The following KIDINS220 variants were observed in gnomAD, a reference collection of about 807,000 sequenced individuals.
KIDINS220 encodes kinase D-interacting substrate of 220 kDa.
Under a neutral mutation model 157.6 loss-of-function variants are expected in KIDINS220, and 63 were observed. The observed-to-expected ratio is 0.40, with a 90% CI of 0.33 to 0.49. The LOEUF is 0.49. KIDINS220 is among the 20% of genes least tolerant of loss of function. KIDINS220 has a pLI of 0.66. For missense variants in KIDINS220, 1,772 were observed against 2,171.2 expected, an observed-to-expected ratio of 0.82 and a Z score of 3.65; for synonymous variants, 732 against 783.6, an observed-to-expected ratio of 0.93 and a Z score of 1.10.
intron 22 of KIDINS220, among the ~76,000 whole-genome samples, chr2:8,758,806 C>T (rs948602910): frequency 6.6e-6 from 1 of 152,092 alleles, no homozygotes; most frequent in Non-Finnish European, 1.5e-5. Context: ...GTCACCTTTC[C>T]TACCATGTTG....
chr2:8,806,372 A>G lies in KIDINS220; in HGVS notation c.505-3T>C. The stretch of plus-strand genomic sequence containing the variant: ...CAAACTAAAGGGGTGGTTCCATACT[A>G]TTAAAACAAACAATAAATTTAAAAT... On this transcript the variant is annotated splice_polypyrimidine_tract_variant and splice_region_variant and intron_variant, in intron 6 of 29. Coordinates refer to ENST00000256707, the MANE Select transcript of KIDINS220 (RefSeq NM_020738.4). 6.5e-7 allele frequency: 1 copy of G among 1,544,896 alleles called. No individual in the cohort carries two copies. Among genetic ancestry groups the G allele is most frequent in the Non-Finnish European group, 8.8e-7 (1 of 1,141,712 alleles).
chr2:8,774,864 T>C (rs1670747950), intron 21 of KIDINS220, among the ~76,000 whole-genome samples: 1 of 152,196 alleles, frequency 6.6e-6, no homozygotes, highest in Non-Finnish European at 1.5e-5. Flanking sequence ...CTGGCTTCTA[T>C]TTTAAAAGAA....
At chr2:8,728,053 C>T (rs1425887687), downstream of KIDINS220, among the ~76,000 whole-genome samples, 4 of 152,178 alleles carry the variant, frequency 2.6e-5, no homozygotes, top group African/African-American at 9.7e-5. Flanking sequence ...ATATAAAACA[C>T]AAGACTCGGC....
rs1159088388 is a variant in KIDINS220, at chr2:8,731,766, C to T, written c.4270G>A (p.Gly1424Arg). 6.2e-7 allele frequency: 1 copy of T among 1,613,998 alleles called. No individual in the cohort carries two copies. Among genetic ancestry groups the T allele is most frequent in the African/African-American group, 1.3e-5 (1 of 74,914 alleles). ...TCTAGGTTTGAATGAATAGAGCCCC[C>T]TGATGAACTCTGACCCATGTAATAT... is the stretch of plus-strand genomic sequence containing the variant. ...STYYMGQSSS[G>R]GSIHSNLEQE... Residue 1424 changes from glycine to arginine, a missense_variant, in exon 30 of 30, where the codon GGG becomes AGG. By Grantham distance (125) the Gly-to-Arg change is moderately radical (BLOSUM62 -2). This residue lies in a region of KIDINS220 where 793 missense variants were observed against 885.5 expected (regional missense o/e 0.90). Coordinates refer to ENST00000256707, the MANE Select transcript of KIDINS220 (RefSeq NM_020738.4). The surrounding 1 kb of genome is among the most constrained non-coding windows in gnomAD (Gnocchi z 5.2).
Position 8,729,521 on chromosome 2 carries a change from C to T in KIDINS220, c.*1199G>A. The T allele has an allele frequency of 1.0e-6, 1 of 983,906 alleles. No individual in the cohort carries two copies. Among genetic ancestry groups the T allele is most frequent in the Non-Finnish European group, 1.2e-6 (1 of 828,542 alleles). The allele number at this position is 983,906 out of a possible 1,614,324, so 60.9% of individuals were successfully genotyped here. A position where few individuals can be genotyped will look rare whatever the true frequency, so the allele number is the denominator to read the frequency against. On this transcript the variant is annotated 3_prime_UTR_variant, in exon 30 of 30. Transcript: ENST00000256707. ...TAGTCCACACAGTACTTCAATGTGACCATTCTCTTAACTCGGCTAATAATT... is the reference window on the plus strand; with the variant it reads ...TAGTCCACACAGTACTTCAATGTGATCATTCTCTTAACTCGGCTAATAATT...
intron 22 of KIDINS220, among the ~76,000 whole-genome samples, chr2:8,770,312 G>C (rs1670027765): frequency 6.6e-6 from 1 of 152,108 alleles, no homozygotes; most frequent in African/African-American, 2.4e-5. Context: ...AGGCTGAGAT[G>C]GGAGGATGAC....
At chr2:8,807,738 G>A (rs553189906) in intron 6 of KIDINS220, among the ~76,000 whole-genome samples, 7 of 152,274 alleles carry the variant, frequency 4.6e-5, no homozygotes, top group African/African-American at 1.7e-4. Flanking sequence ...CAGCACATGG[G>A]AGCCAGCACC....
At chr2:8,808,233 C>A (rs555320000) in intron 6 of KIDINS220, among the ~76,000 whole-genome samples, 8 of 152,188 alleles carry the variant, frequency 5.3e-5, no homozygotes, top group Non-Finnish European at 1.2e-4. Flanking sequence ...TCCTCTTTTG[C>A]GGATAATACT....
intron 21 of KIDINS220, among the ~76,000 whole-genome samples, chr2:8,774,410 G>T (rs1670676022): frequency 6.6e-6 from 1 of 151,898 alleles, no homozygotes; most frequent in Non-Finnish European, 1.5e-5. Context: ...AAACAAAAAA[G>T]TAAATGATGT....
chr2:8,747,273 A>G (rs1294145015), intron 25 of KIDINS220, 72 bp from the exon 26 acceptor site: 4 of 1,286,360 alleles, frequency 3.1e-6, no homozygotes, highest in African/African-American at 2.9e-5. Flanking sequence ...ACAAATGAAC[A>G]TGATGGTAAA....
intron 17 of KIDINS220, among the ~76,000 whole-genome samples, chr2:8,784,858 C>A (rs67920932): frequency 0.11 from 17,094 of 152,176 alleles, 1,035 homozygotes; most frequent in Middle Eastern, 0.2. Context: ...TTGTTTCTAA[C>A]AAAACGAAAC....
intron 11 of KIDINS220, 132 bp from the exon 12 acceptor site, chr2:8,794,119 A>C (rs578197874): frequency 8.0e-6 from 5 of 624,494 alleles, no homozygotes; most frequent in Non-Finnish European, 1.3e-5. Context: ...CACATATATA[A>C]TATGAATTTT....
rs549291740 is a variant in KIDINS220, at chr2:8,729,722, G to A, written c.*998C>T. ...GATGAAGTAGATAAAGTCTATCCTA[G>A]TATAGAGAGCAATGATTTAGTTTTA... On this transcript the variant is annotated 3_prime_UTR_variant, in exon 30 of 30. Coordinates refer to ENST00000256707, the MANE Select transcript of KIDINS220 (RefSeq NM_020738.4). 99 of 984,282 alleles carry A rather than the reference G, an allele frequency of 1.0e-4. No individual in the cohort carries two copies. The African/African-American group carries it at 1.4e-3, about 14-fold the overall frequency. The allele number at this position is 984,282 out of a possible 1,614,324, so 61.0% of individuals were successfully genotyped here.
intron 6 of KIDINS220, among the ~76,000 whole-genome samples, chr2:8,808,590 C>T (rs984113320): frequency 6.6e-6 from 1 of 152,248 alleles, no homozygotes; most frequent in East Asian, 1.9e-4. Flanking sequence ...TGCTTCAAAA[C>T]AGCTCTGCAG....
At chr2:8,816,637 C>G (rs1486203108) in intron 4 of KIDINS220, among the ~76,000 whole-genome samples, 1 of 152,210 alleles carries the variant, frequency 6.6e-6, no homozygotes, top group Non-Finnish European at 1.5e-5. Flanking sequence ...CTCGATAACT[C>G]CCTGCATTTC....
chr2:8,808,225 C>T (rs1340332439), intron 6 of KIDINS220, among the ~76,000 whole-genome samples: 1 of 152,212 alleles, frequency 6.6e-6, no homozygotes, highest in Non-Finnish European at 1.5e-5. Context: ...TTCTAGCCTC[C>T]TCTTTTGCGG....
At chr2:8,724,604 T>C (rs1663161304), downstream of KIDINS220, 1 of 152,042 alleles carries the variant, frequency 6.6e-6, no homozygotes, top group Non-Finnish European at 1.5e-5. The surrounding 1 kb of genome is among the most constrained non-coding windows in gnomAD (Gnocchi z 4.6). Flanking sequence ...GCCCCCCTAG[T>C]TTATTCATTC....
chr2:8,822,591 C>T (rs1464754937), intron 2 of KIDINS220, among the ~76,000 whole-genome samples: 3 of 152,134 alleles, frequency 2.0e-5, no homozygotes, highest in African/African-American at 7.2e-5. Context: ...CATGCCACTA[C>T]ACTCCAGCCT....
chr2:8,822,419 T>C (rs1017075726), intron 2 of KIDINS220, among the ~76,000 whole-genome samples: 5 of 151,734 alleles, frequency 3.3e-5, no homozygotes, highest in Non-Finnish European at 2.9e-5. Flanking sequence ...TGCCCAGGAG[T>C]TGTAGAATAG....
Sources: allele counts gnomAD v4.1 joint callset (sites outside exome capture counted in the v4.1 genomes callset), GRCh38; gene constraint gnomAD v4.1.1; regional missense constraint gnomAD v4.1.1; non-coding constraint Gnocchi (gnomAD v3.1); transcripts MANE v1.5; gene names NCBI Gene and HGNC (gene_info 2026-07-23, HGNC 2026-07-21).